PARD3B: variants seen among roughly 807,000 people sequenced by gnomAD.
PARD3B encodes partitioning defective 3 homolog B.
PARD3B carries 103 observed loss-of-function variants against 130.2 expected under a neutral mutation model. The ratio of observed to expected loss-of-function variants is 0.79; its 90% CI spans 0.67 to 0.93. PARD3B has a LOEUF of 0.93. PARD3B is among the 40% of genes least tolerant of loss of function. The pLI is 0.00. For missense variants in PARD3B, 1,609 were observed against 1,499.2 expected (o/e 1.07, Z -1.21); for synonymous variants, 583 against 553.2 (o/e 1.05, Z -0.76).
intron 1 of PARD3B, among the ~76,000 whole-genome samples, chr2:204,577,392 G>A (rs1423913413): frequency 6.6e-6 from 1 of 152,110 alleles, no homozygotes; most frequent in Non-Finnish European, 1.5e-5. Context: ...TAGAGGTTTA[G>A]TACCTAGCCC....
rs149721839 is a variant in PARD3B, at chr2:205,445,290, G to A, written c.3044+4618G>A. On this transcript the variant is annotated intron_variant, in intron 20 of 22. Transcript: ENST00000406610. ...CCCACACTCTCATTTCCTGCTTGAC[G>A]AATGTATTAGTCCATTCTCGCACTG... 3.6e-4 allele frequency among the ~76,000 whole-genome samples: 55 copies of A among 152,192 alleles called. No individual in the cohort carries two copies. The East Asian group carries it at 5.8e-3, about 16-fold the overall frequency.
In PARD3B at chr2:205,144,255, G is replaced by A. The variant is rs567963530; in HGVS notation, c.1435-14467G>A. Among the ~76,000 whole-genome samples the A allele has an allele frequency of 4.6e-5, 7 of 152,294 alleles. No individual in the cohort carries two copies. The East Asian group carries it at 5.8e-4, about 13-fold the overall frequency. On this transcript the variant is annotated intron_variant, in intron 10 of 22. Coordinates refer to ENST00000406610, the MANE Select transcript of PARD3B (RefSeq NM_001302769.2). ...AAGATGGGAGATATGTGGAGCAGAC[G>A]TATACCTAATTCATAGCTTGGAGGC...
At chr2:204,876,663 G>A (rs2045855710) in intron 2 of PARD3B, among the ~76,000 whole-genome samples, 3 of 152,032 alleles carry the variant, frequency 2.0e-5, no homozygotes, top group South Asian at 4.1e-4. Flanking sequence ...CTCTTTTGAG[G>A]CCAAGTAACC....
chr2:205,460,857 G>A lies in PARD3B; in HGVS notation c.3044+20185G>A, dbSNP rs536529907. Among the ~76,000 whole-genome samples, 31 of 151,940 alleles carry A rather than the reference G, an allele frequency of 2.0e-4. No individual in the cohort carries two copies. The highest frequency in any genetic ancestry group is 5.8e-4 in the African/African-American group (24 of 41,410). ...GGTTGAAGTGCCCTTTATTTGACCC[G>A]TCAAATAGAGGATCTGGAGAATAAA... On this transcript the variant is annotated intron_variant, in intron 20 of 22. Coordinates refer to ENST00000406610, the MANE Select transcript of PARD3B (RefSeq NM_001302769.2). The surrounding 1 kb of genome is among the most constrained non-coding windows in gnomAD (Gnocchi z 4.9).
intron 1 of PARD3B, among the ~76,000 whole-genome samples, chr2:204,556,875 A>T (rs2030958002): frequency 6.6e-6 from 1 of 152,142 alleles, no homozygotes; most frequent in Non-Finnish European, 1.5e-5. Context: ...GCTGGTTTTC[A>T]CACATTCCCC....
intron 2 of PARD3B, 22 bp from the exon 3 acceptor site, chr2:204,965,130 G>A (rs775789713): frequency 2.5e-6 from 4 of 1,609,348 alleles, no homozygotes; most frequent in Admixed American, 1.7e-5. Context: ...AAAGTAATTA[G>A]TGTTGTTGGA....
At chr2:205,535,874 T>C (rs972678309) in intron 21 of PARD3B, among the ~76,000 whole-genome samples, 4 of 152,204 alleles carry the variant, frequency 2.6e-5, no homozygotes, top group Middle Eastern at 3.2e-3. Context: ...TCTTAGGGGC[T>C]TTACTAGTAG....
chr2:205,471,835 A>G (rs1444211907), intron 20 of PARD3B, among the ~76,000 whole-genome samples: 1 of 152,206 alleles, frequency 6.6e-6, no homozygotes, highest in African/African-American at 2.4e-5. Flanking sequence ...TTCTGCAATA[A>G]CATATATCTA....
chr2:204,919,330 GT>G, intron 2 of PARD3B, among the ~76,000 whole-genome samples: 1 of 152,286 alleles, frequency 6.6e-6, no homozygotes, highest in East Asian at 1.9e-4. Flanking sequence ...GTATGTATCT[GT>G]GTCATGTAAA....
intron 1 of PARD3B, among the ~76,000 whole-genome samples, chr2:204,637,870 G>A (rs1372213337): frequency 6.6e-6 from 1 of 152,060 alleles, no homozygotes; most frequent in African/African-American, 2.4e-5. Flanking sequence ...ACAGTGTACT[G>A]CAGTGGGGCA....
At chr2:205,326,982 C>A (rs1394573412) in intron 18 of PARD3B, among the ~76,000 whole-genome samples, 1 of 152,208 alleles carries the variant, frequency 6.6e-6, no homozygotes, top group East Asian at 1.9e-4. Flanking sequence ...ATATTTGCTA[C>A]TTCTGACACC....
chr2:204,798,665 G>C (rs1191202487), intron 2 of PARD3B, among the ~76,000 whole-genome samples: 1 of 152,036 alleles, frequency 6.6e-6, no homozygotes, highest in Non-Finnish European at 1.5e-5. Context: ...GGAGAGTAAA[G>C]AGGACTTTCT....
At chr2:204,916,971 T>G (rs2047470166) in intron 2 of PARD3B, among the ~76,000 whole-genome samples, 1 of 152,232 alleles carries the variant, frequency 6.6e-6, no homozygotes, top group East Asian at 1.9e-4. Context: ...ATCCCTGTTC[T>G]CTTGGTTTTA....
chr2:205,499,369 T>G (rs1559150523), intron 20 of PARD3B, among the ~76,000 whole-genome samples: 1 of 152,028 alleles, frequency 6.6e-6, no homozygotes, highest in Non-Finnish European at 1.5e-5. Flanking sequence ...TACTGTCACC[T>G]TTTTTACACG....
rs1157696083 is a variant in PARD3B at position 205,363,961 on chromosome 2, C to G, written c.2631-37052C>G. 2.0e-5 allele frequency among the ~76,000 whole-genome samples: 3 copies of G among 151,162 alleles called. No homozygotes were observed. The East Asian group carries it at 5.9e-4, about 30-fold the overall frequency. Reference sequence around the variant, plus strand: ...AGATTACAGGCATGAACCACCGCACCCAGTCTCTGGAGCCTCTTTTCCTCC... The same window carrying G: ...AGATTACAGGCATGAACCACCGCACGCAGTCTCTGGAGCCTCTTTTCCTCC... On this transcript the variant is annotated intron_variant, in intron 18 of 22. Transcript: ENST00000406610.
chr2:204,837,389 T>C (rs2044082035), intron 2 of PARD3B, among the ~76,000 whole-genome samples: 1 of 152,058 alleles, frequency 6.6e-6, no homozygotes, highest in African/African-American at 2.4e-5. Context: ...ATTTTAAGTG[T>C]TTGGATTTTA....
intron 1 of PARD3B, among the ~76,000 whole-genome samples, chr2:204,554,670 G>C (rs1032428330): frequency 2.0e-5 from 3 of 151,060 alleles, no homozygotes; most frequent in Non-Finnish European, 4.4e-5. Context: ...CCACATTACT[G>C]TCTCTCCTTA....
At chr2:205,043,986 G>C (rs1698574150) in intron 3 of PARD3B, among the ~76,000 whole-genome samples, 1 of 135,940 alleles carries the variant, frequency 7.4e-6, no homozygotes, top group African/African-American at 2.8e-5. Flanking sequence ...TCCCCAGAGT[G>C]TGATGTTCCC....
intron 2 of PARD3B, among the ~76,000 whole-genome samples, chr2:204,722,989 A>G (rs1273601311): frequency 1.3e-5 from 2 of 152,164 alleles, no homozygotes; most frequent in East Asian, 1.9e-4. Context: ...AGTAATTTTT[A>G]TAAATATTGA....
Sources: allele counts gnomAD v4.1 joint callset (sites outside exome capture counted in the v4.1 genomes callset), GRCh38; gene constraint gnomAD v4.1.1; non-coding constraint Gnocchi (gnomAD v3.1); transcripts MANE v1.5; gene names NCBI Gene and HGNC (gene_info 2026-07-23, HGNC 2026-07-21).